SMAD2: variants seen among roughly 807,000 people sequenced by gnomAD.
SMAD2 encodes the protein MAD homolog 2.
SMAD2 carries 8 observed loss-of-function variants against 64.4 expected under a neutral mutation model. The ratio of observed to expected loss-of-function variants is 0.12; its 90% CI spans 0.07 to 0.22. SMAD2 has a LOEUF of 0.22. SMAD2 is among the 10% of genes least tolerant of loss of function. SMAD2 has a pLI of 1.00. For missense variants in SMAD2, 289 were observed against 561.2 expected (o/e 0.51, Z 4.90); for synonymous variants, 203 against 195.8 (o/e 1.04, Z -0.31).
intron 2 of SMAD2, among the ~76,000 whole-genome samples, chr18:47,884,714 G>A (rs1292923356): frequency 1.3e-5 from 2 of 152,032 alleles, no homozygotes; most frequent in African/African-American, 4.8e-5. Context: ...AAAATAGGCG[G>A]AGACAACAGA....
At position 47,822,237 on chromosome 18, in the gene SMAD2, G is replaced by A. The variant is rs1912599660; in HGVS notation, c.*19590C>T. On this transcript the variant is annotated 3_prime_UTR_variant, in exon 11 of 11. Transcript: ENST00000262160. The stretch of plus-strand genomic sequence containing the variant: ...AAACTCTTTGTCTATTTCTGGTTAT[G>A]GTAAACTCTCATCAGATTTTTAATC... 6.6e-6 allele frequency: 1 copy of A among 152,036 alleles called. No individual in the cohort carries two copies. The highest frequency in any genetic ancestry group is 2.1e-4 in the South Asian group (1 of 4,814). 9.4% of individuals were successfully genotyped at this position (152,036 alleles called of 1,614,324 possible).
intron 10 of SMAD2, among the ~76,000 whole-genome samples, chr18:47,842,445 C>T (rs1006526071): frequency 1.3e-5 from 2 of 152,004 alleles, no homozygotes; most frequent in Admixed American, 1.3e-4. Context: ...GAGGCTGAGA[C>T]AGGAGAGTCA....
chr18:47,851,127 G>T, intron 7 of SMAD2, 147 bp downstream of exon 7: 2 of 570,396 alleles, frequency 3.5e-6, no homozygotes, highest in South Asian at 2.4e-5. Context: ...TTTTTAAAAA[G>T]CACTACTTTA....
Position 47,835,088 on chromosome 18 carries a change from TGTA to T in SMAD2, c.*6736_*6738del, listed in dbSNP as rs1913289657. 1 of 219,154 alleles carries T rather than the reference TGTA, an allele frequency of 4.6e-6. No individual in the cohort carries two copies. The highest frequency in any genetic ancestry group is 9.1e-6 in the Non-Finnish European group (1 of 109,328). The allele number at this position is 219,154 out of a possible 1,614,324, so 13.6% of individuals were successfully genotyped here. Reference sequence around the variant, plus strand: ...GCAGAACTGTTCTCATCTTAATCGCTGTAGTTTTTCTTTCTTTACTCTTTTGTA... The same window carrying T: ...GCAGAACTGTTCTCATCTTAATCGCTGTTTTTCTTTCTTTACTCTTTTGTA... On this transcript the variant is annotated 3_prime_UTR_variant, in exon 11 of 11. Transcript: ENST00000262160.
rs1418806272 is a variant in SMAD2, at chr18:47,824,232, G to A, written c.*17595C>T. ...AGAATCAAGAGTCATGTTTCCAAAAGCCCTGACAAATGGAGCCAGGGAAGT... is the reference window on the plus strand; with the variant it reads ...AGAATCAAGAGTCATGTTTCCAAAAACCCTGACAAATGGAGCCAGGGAAGT... On this transcript the variant is annotated 3_prime_UTR_variant, in exon 11 of 11. Transcript: ENST00000262160. 1.3e-5 allele frequency: 2 copies of A among 152,216 alleles called. No individual in the cohort carries two copies. The highest frequency in any genetic ancestry group is 2.9e-5 in the Non-Finnish European group (2 of 68,038). The allele number at this position is 152,216 out of a possible 1,614,324, so 9.4% of individuals were successfully genotyped here.
At chr18:47,859,452 G>T (rs1202946707) in intron 6 of SMAD2, among the ~76,000 whole-genome samples, 2 of 151,966 alleles carry the variant, frequency 1.3e-5, no homozygotes, top group Non-Finnish European at 2.9e-5. Context: ...AATTTCCAAG[G>T]ACTAAAGTCA....
In SMAD2 at chr18:47,813,041, C is replaced by G. The variant is rs529393865; in HGVS notation, c.*28786G>C. The G allele has an allele frequency of 6.6e-6, 1 of 152,222 alleles. No individual in the cohort carries two copies. The highest frequency in any genetic ancestry group is 6.5e-5 in the Admixed American group (1 of 15,290). The allele number at this position is 152,222 out of a possible 1,614,324, so 9.4% of individuals were successfully genotyped here. ...GACCAGCCTGGCCAACATAGTGAAACCCTGTCTCTACCAAAAATACAAAAA... is the reference window on the plus strand; with the variant it reads ...GACCAGCCTGGCCAACATAGTGAAAGCCTGTCTCTACCAAAAATACAAAAA... On this transcript the variant is annotated 3_prime_UTR_variant, in exon 11 of 11. Coordinates refer to ENST00000262160, the MANE Select transcript of SMAD2 (RefSeq NM_005901.6).
chr18:47,908,422 T>C (rs1454516171), intron 1 of SMAD2, among the ~76,000 whole-genome samples: 1 of 152,132 alleles, frequency 6.6e-6, no homozygotes, highest in African/African-American at 2.4e-5. Context: ...TCTTGGAGAT[T>C]TGAGACAATC....
intron 1 of SMAD2, among the ~76,000 whole-genome samples, chr18:47,902,253 A>T (rs1397778575): frequency 6.6e-6 from 1 of 152,090 alleles, no homozygotes; most frequent in Non-Finnish European, 1.5e-5. Context: ...CCAGGGTGCA[A>T]AATTTTGCTT....
At chr18:47,846,480 T>C (rs961395271) in intron 8 of SMAD2, among the ~76,000 whole-genome samples, 1 of 152,198 alleles carries the variant, frequency 6.6e-6, no homozygotes, top group African/African-American at 2.4e-5. Context: ...GGTGCTGCTG[T>C]TAAGGATTTT....
chr18:47,885,648 GATAAA>G (rs1450208607), intron 2 of SMAD2, among the ~76,000 whole-genome samples: 2 of 152,064 alleles, frequency 1.3e-5, no homozygotes, highest in Non-Finnish European at 2.9e-5. Flanking sequence ...GGAAAAACTA[GATAAA>G]ATAACAATAC....
At chr18:47,913,785 T>C (rs984008163) in intron 1 of SMAD2, among the ~76,000 whole-genome samples, 7 of 152,192 alleles carry the variant, frequency 4.6e-5, no homozygotes, top group African/African-American at 1.7e-4. Context: ...ATATACAGAT[T>C]TCCTTCAATG....
chr18:47,908,169 G>A (rs141569794), intron 1 of SMAD2, among the ~76,000 whole-genome samples: 1,809 of 152,252 alleles, frequency 0.012, 12 homozygotes, highest in African/African-American at 0.018. Flanking sequence ...GGAAGTTTCC[G>A]TCCACAACAT....
rs1047044844 is a variant in SMAD2 at position 47,826,759 on chromosome 18, C to T, written c.*15068G>A. 3 of 152,222 alleles carry T rather than the reference C, an allele frequency of 2.0e-5. No homozygotes were observed. The allele number at this position is 152,222 out of a possible 1,614,324, so 9.4% of individuals were successfully genotyped here. On this transcript the variant is annotated 3_prime_UTR_variant, in exon 11 of 11. Transcript: ENST00000262160. ...TGTGACATTTCTGAGTTTAACATCA[C>T]ATTTACAAACTTTCTTAGAGAAAGA...
chr18:47,861,071 G>A (rs1376991549), intron 6 of SMAD2, among the ~76,000 whole-genome samples: 2 of 152,076 alleles, frequency 1.3e-5, no homozygotes, highest in Non-Finnish European at 2.9e-5. Flanking sequence ...AAGAAAAACT[G>A]TCAGCCGGGC....
chr18:47,835,864 G>C lies in SMAD2; in HGVS notation c.*5963C>G, dbSNP rs1241806886. On this transcript the variant is annotated 3_prime_UTR_variant, in exon 11 of 11. Coordinates refer to ENST00000262160, the MANE Select transcript of SMAD2 (RefSeq NM_005901.6). ...CAAAGAGCATATTTGGAGAAACTAAGAGCTGTTAACTGTTTGGAGGGTAAA... is the reference window on the plus strand; with the variant it reads ...CAAAGAGCATATTTGGAGAAACTAACAGCTGTTAACTGTTTGGAGGGTAAA... 1 of 202,586 alleles carries C rather than the reference G, an allele frequency of 4.9e-6. No homozygotes were observed. The highest frequency in any genetic ancestry group is 1.0e-5 in the Non-Finnish European group (1 of 98,532). 12.5% of individuals were successfully genotyped at this position (202,586 alleles called of 1,614,324 possible).
chr18:47,881,420 T>C (rs1170206623), intron 2 of SMAD2, among the ~76,000 whole-genome samples: 1 of 152,218 alleles, frequency 6.6e-6, no homozygotes, highest in East Asian at 1.9e-4. Context: ...AAAAATACAA[T>C]TGATTTTTAG....
upstream of SMAD2, chr18:47,930,846 G>T (rs1425356147): frequency 6.7e-6 from 1 of 148,788 alleles, no homozygotes; most frequent in Non-Finnish European, 1.5e-5. Flanking sequence ...CTTCTCCGCC[G>T]CCGCGGCCGC....
intron 1 of SMAD2, among the ~76,000 whole-genome samples, chr18:47,903,714 T>G (rs192947296): frequency 5.3e-5 from 8 of 152,070 alleles, no homozygotes; most frequent in Admixed American, 5.2e-4. Context: ...ATCACAGATA[T>G]CAAAGTTACA....
Sources: allele counts gnomAD v4.1 joint callset (sites outside exome capture counted in the v4.1 genomes callset), GRCh38; gene constraint gnomAD v4.1.1; transcripts MANE v1.5; gene names NCBI Gene and HGNC (gene_info 2026-07-23, HGNC 2026-07-21).